Variants in BRINP3 observed in about 807,000 individuals in gnomAD.
BRINP3 encodes BMP/retinoic acid-inducible neural-specific protein 3.
Under a neutral mutation model 71.0 loss-of-function variants are expected in BRINP3, and 19 were observed. The observed-to-expected ratio is 0.27, with a 90% CI of 0.19 to 0.39. The LOEUF (loss-of-function observed/expected upper bound fraction) is 0.39, where lower values mean the gene tolerates loss of function less well. BRINP3 is among the 10% of genes least tolerant of loss of function. The probability of loss-of-function intolerance (pLI) is 1.00; values close to 1 mark genes in which losing one functional copy is unlikely to be tolerated. For synonymous variants in BRINP3, 380 were observed against 337.7 expected (o/e 1.13, Z -1.37); for missense variants, 959 against 940.8 (o/e 1.02, Z -0.25).
intron 1 of BRINP3, among the ~76,000 whole-genome samples, chr1:190,465,724 C>G (rs886571367): frequency 7.2e-5 from 11 of 151,840 alleles, no homozygotes; most frequent in Non-Finnish European, 1.5e-4. Flanking sequence ...CAGCTGTCTT[C>G]CACTTACCAA....
At chr1:190,421,798 C>G (rs1673405313) in intron 2 of BRINP3, among the ~76,000 whole-genome samples, 1 of 151,804 alleles carries the variant, frequency 6.6e-6, no homozygotes, top group South Asian at 2.1e-4. Context: ...TTGAGAAAAT[C>G]AAAGTGGTCA....
At chr1:190,470,902 A>G (rs966670416) in intron 1 of BRINP3, among the ~76,000 whole-genome samples, 1 of 151,182 alleles carries the variant, frequency 6.6e-6, no homozygotes, top group Non-Finnish European at 1.5e-5. Context: ...GCATCAATTA[A>G]TTACTCTTGA....
intron 1 of BRINP3, among the ~76,000 whole-genome samples, chr1:190,464,565 A>G (rs1277198995): frequency 6.6e-6 from 1 of 152,022 alleles, no homozygotes; most frequent in Non-Finnish European, 1.5e-5. Context: ...TGGAACAGGT[A>G]CTGAAATGAA....
At chr1:190,227,396 T>G (rs531974185) in intron 5 of BRINP3, among the ~76,000 whole-genome samples, 1 of 151,952 alleles carries the variant, frequency 6.6e-6, no homozygotes, top group East Asian at 1.9e-4. Flanking sequence ...TATATTCGAT[T>G]TCATATTAAT....
intron 3 of BRINP3, among the ~76,000 whole-genome samples, chr1:190,270,151 A>G (rs1019918823): frequency 1.3e-5 from 2 of 151,846 alleles, no homozygotes; most frequent in Non-Finnish European, 2.9e-5. Flanking sequence ...GTTTCTTTTT[A>G]TTTGGAAAAA....
At chr1:190,337,592 T>G (rs1376082081) in intron 2 of BRINP3, among the ~76,000 whole-genome samples, 2 of 151,756 alleles carry the variant, frequency 1.3e-5, no homozygotes, top group African/African-American at 2.4e-5. Context: ...TTCTTCAGCT[T>G]TTGGACTCTT....
intron 2 of BRINP3, among the ~76,000 whole-genome samples, chr1:190,374,157 A>G (rs1039255180): frequency 3.9e-5 from 6 of 152,108 alleles, no homozygotes; most frequent in Non-Finnish European, 8.8e-5. Flanking sequence ...GTACACATAC[A>G]TATGCACAAA....
chr1:190,160,612 A>G, intron 7 of BRINP3, 56 bp downstream of exon 7: 2 of 1,457,194 alleles, frequency 1.4e-6, no homozygotes, highest in Non-Finnish European at 1.9e-6. Flanking sequence ...AAAAATAAAT[A>G]GAACTCACTT....
intron 2 of BRINP3, among the ~76,000 whole-genome samples, chr1:190,358,194 A>C (rs1483259813): frequency 6.6e-6 from 1 of 152,210 alleles, no homozygotes; most frequent in Non-Finnish European, 1.5e-5. Context: ...TCTGCACAGC[A>C]AAAGAAACTA....
intron 2 of BRINP3, among the ~76,000 whole-genome samples, chr1:190,326,999 C>T (rs1448687949): frequency 7.1e-6 from 1 of 141,468 alleles, no homozygotes; most frequent in African/African-American, 2.6e-5. Flanking sequence ...GTAAAACAGA[C>T]AGTGTCAAGT....
chr1:190,171,266 T>C (rs1413070681), intron 6 of BRINP3, among the ~76,000 whole-genome samples: 1 of 152,184 alleles, frequency 6.6e-6, no homozygotes, highest in Non-Finnish European at 1.5e-5. Context: ...GTTTGGTTGC[T>C]TGTTTACTTG....
At chr1:190,155,942 T>C (rs770790500) in intron 7 of BRINP3, among the ~76,000 whole-genome samples, 1 of 152,098 alleles carries the variant, frequency 6.6e-6, no homozygotes, top group Non-Finnish European at 1.5e-5. Context: ...GGTAGTTCTT[T>C]ATAGCAGTGT....
intron 7 of BRINP3, among the ~76,000 whole-genome samples, chr1:190,136,581 G>A (rs1355346928): frequency 6.6e-6 from 1 of 152,002 alleles, no homozygotes; most frequent in Non-Finnish European, 1.5e-5. Flanking sequence ...CAATGCTTCA[G>A]CTATTATTTT....
At chr1:190,459,776 A>T (rs1007504247) in intron 1 of BRINP3, among the ~76,000 whole-genome samples, 2 of 152,104 alleles carry the variant, frequency 1.3e-5, no homozygotes, top group Non-Finnish European at 2.9e-5. Flanking sequence ...ATGCAAAGTC[A>T]TTTCAGAAAA....
At chr1:190,123,821 T>C (rs889937783) in intron 7 of BRINP3, among the ~76,000 whole-genome samples, 1 of 152,232 alleles carries the variant, frequency 6.6e-6, no homozygotes, top group African/African-American at 2.4e-5. Flanking sequence ...TTGCTGTCCA[T>C]TGGTAAGCGC....
At chr1:190,278,604 T>C (rs1166731792) in intron 3 of BRINP3, among the ~76,000 whole-genome samples, 3 of 151,720 alleles carry the variant, frequency 2.0e-5, no homozygotes, top group South Asian at 2.1e-4. Flanking sequence ...TGAACAAAAA[T>C]TCCCGCAGGA....
chr1:190,245,085 C>T (rs1174382605), intron 4 of BRINP3, among the ~76,000 whole-genome samples: 1 of 151,942 alleles, frequency 6.6e-6, no homozygotes, highest in Non-Finnish European at 1.5e-5. Flanking sequence ...TATACTGAGG[C>T]CGTCATATTC....
At chr1:190,422,476 T>A (rs1355193801) in intron 2 of BRINP3, among the ~76,000 whole-genome samples, 1 of 151,890 alleles carries the variant, frequency 6.6e-6, no homozygotes, top group Non-Finnish European at 1.5e-5. Flanking sequence ...TGATGAAAAC[T>A]GACACCTGCT....
intron 6 of BRINP3, among the ~76,000 whole-genome samples, chr1:190,182,935 G>GT (rs1167843358): frequency 6.6e-6 from 1 of 152,056 alleles, no homozygotes; most frequent in Non-Finnish European, 1.5e-5. Flanking sequence ...ACTTATAACT[G>GT]TAAGTGAAAT....
Sources: allele counts gnomAD v4.1 joint callset (sites outside exome capture counted in the v4.1 genomes callset), GRCh38; gene constraint gnomAD v4.1.1; transcripts MANE v1.5; gene names NCBI Gene and HGNC (gene_info 2026-07-23, HGNC 2026-07-21).